The following TNFRSF8 variants were observed in gnomAD, a reference collection of about 807,000 sequenced individuals.
TNFRSF8 encodes the protein TNF receptor superfamily member 8.
Under a neutral mutation model 70.8 loss-of-function variants are expected in TNFRSF8, and 26 were observed. The ratio of observed to expected loss-of-function variants is 0.37; its 90% CI spans 0.27 to 0.51. The LOEUF (loss-of-function observed/expected upper bound fraction) is 0.51. TNFRSF8 is among the 20% of genes least tolerant of loss of function. The pLI is 0.94. For missense variants in TNFRSF8, 720 were observed against 807.9 expected (o/e 0.89, Z 1.32); for synonymous variants, 356 against 339.2 (o/e 1.05, Z -0.54).
intron 1 of TNFRSF8, among the ~76,000 whole-genome samples, chr1:12,065,145 C>T (rs1640716204): frequency 4.5e-5 from 6 of 133,792 alleles, no homozygotes; most frequent in Admixed American, 3.7e-4. Context: ...GTGCAATGCT[C>T]GATCTCGGCT....
chr1:12,107,385 ACT>A (rs1641543689), intron 4 of TNFRSF8, among the ~76,000 whole-genome samples: 1 of 150,060 alleles, frequency 6.7e-6, no homozygotes, highest in Non-Finnish European at 1.5e-5. Flanking sequence ...ACAGAGTTAG[ACT>A]CTGTTTCAAA....
chr1:12,070,276 A>T (rs981748053), intron 1 of TNFRSF8, among the ~76,000 whole-genome samples: 3 of 151,822 alleles, frequency 2.0e-5, no homozygotes, highest in African/African-American at 7.3e-5. Context: ...TTTGAGACGG[A>T]GTCTTGCTCT....
intron 12 of TNFRSF8, among the ~76,000 whole-genome samples, chr1:12,128,307 C>T (rs1222437272): frequency 6.6e-6 from 1 of 152,220 alleles, no homozygotes; most frequent in Non-Finnish European, 1.5e-5. Context: ...CCTTGGCCTC[C>T]CACATCCCAG....
rs550789975 is a variant in TNFRSF8, at chr1:12,141,496, A to G, written c.1544-791A>G. Among the ~76,000 whole-genome samples, 2 of 152,356 alleles carry G rather than the reference A, an allele frequency of 1.3e-5. No homozygotes were observed. Among genetic ancestry groups the G allele is most frequent in the South Asian group, 4.1e-4 (2 of 4,828 alleles). On this transcript the variant is annotated intron_variant, in intron 14 of 14. Coordinates refer to ENST00000263932, the MANE Select transcript of TNFRSF8 (RefSeq NM_001243.5). This position sits in a 1 kb window ranked among gnomAD's most constrained non-coding sequence, Gnocchi z 5.4. ...CCATGTGCTCACAGCACAGCCATGC[A>G]CGCTGCAGGCAGGAGACCGGCTGTG...
At chr1:12,101,448 G>A (rs1231807913) in intron 3 of TNFRSF8, among the ~76,000 whole-genome samples, 2 of 150,900 alleles carry the variant, frequency 1.3e-5, no homozygotes, top group African/African-American at 2.5e-5. Context: ...ATGATAAAAA[G>A]TATAGTACAG....
intron 1 of TNFRSF8, among the ~76,000 whole-genome samples, chr1:12,078,957 G>A (rs150730948): frequency 1.2e-3 from 184 of 152,344 alleles, no homozygotes; most frequent in Middle Eastern, 0.01. Flanking sequence ...CCAAGGTGGT[G>A]CCCCTGCTGC....
rs181273095 is a variant in TNFRSF8 at position 12,124,653 on chromosome 1, C to T, written c.1153+826C>T. ...CCTGGCCAACACGATGAAACCACAT[C>T]TCTACTAAAAATACAAAAATTAGCC... On this transcript the variant is annotated intron_variant, in intron 10 of 14. Coordinates refer to ENST00000263932, the MANE Select transcript of TNFRSF8 (RefSeq NM_001243.5). Among the ~76,000 whole-genome samples the T allele has an allele frequency of 4.0e-3, 610 of 152,194 alleles. 11 individuals are homozygous for T. The highest frequency in any genetic ancestry group is 0.013 in the African/African-American group (553 of 41,538).
rs1168385149 is a variant in TNFRSF8 at position 12,108,929 on chromosome 1, T to C, written c.422-637T>C. ...TGTGTTTTCTTCTCCACTCTGCTTC[T>C]GTCCAGCATTCTTCAGGACTCCTTG... On this transcript the variant is annotated intron_variant, in intron 4 of 14. Transcript: ENST00000263932. This position sits in a 1 kb window ranked among gnomAD's most constrained non-coding sequence, Gnocchi z 4.0. Among the ~76,000 whole-genome samples the C allele has an allele frequency of 2.6e-5, 4 of 152,240 alleles. No individual in the cohort carries two copies. Among genetic ancestry groups the C allele is most frequent in the African/African-American group, 7.2e-5 (3 of 41,478 alleles).
chr1:12,112,036 G>T lies in TNFRSF8; in HGVS notation c.793+22G>T. The T allele has an allele frequency of 6.3e-7, 1 of 1,585,610 alleles. No individual in the cohort carries two copies. Among genetic ancestry groups the T allele is most frequent in the Admixed American group, 1.7e-5 (1 of 58,940 alleles). On this transcript the variant is annotated intron_variant, in intron 7 of 14. Coordinates refer to ENST00000263932, the MANE Select transcript of TNFRSF8 (RefSeq NM_001243.5). This position sits in a 1 kb window ranked among gnomAD's most constrained non-coding sequence, Gnocchi z 5.3. ...CGAGGTAAGGGCCTCGTCCCTCCCC[G>T]GGCCTCAGTTTACCTCTCTGCATTT...
rs1642245347 is a variant in TNFRSF8 at position 12,141,084 on chromosome 1, G to A, written c.1544-1203G>A. Reference sequence around the variant, plus strand: ...CGTTTGGCGCACTTCTCTCTTTCCTGGGGGTGTTCAAAACCAGAATAGAAG... The same window carrying A: ...CGTTTGGCGCACTTCTCTCTTTCCTAGGGGTGTTCAAAACCAGAATAGAAG... On this transcript the variant is annotated intron_variant, in intron 14 of 14. Transcript: ENST00000263932. The surrounding 1 kb of genome is among the most constrained non-coding windows in gnomAD (Gnocchi z 5.4). 6.6e-6 allele frequency among the ~76,000 whole-genome samples: 1 copy of A among 152,190 alleles called. No homozygotes were observed. The highest frequency in any genetic ancestry group is 6.5e-5 in the Admixed American group (1 of 15,280).
At chr1:12,085,206 G>C (rs562665486) in intron 2 of TNFRSF8, among the ~76,000 whole-genome samples, 1 of 152,142 alleles carries the variant, frequency 6.6e-6, no homozygotes, top group South Asian at 2.1e-4. Flanking sequence ...CACCTCCCGG[G>C]TTCAAGCGAT....
rs771896936 is a variant in TNFRSF8 at position 12,109,564 on chromosome 1, A to G, written c.422-2A>G. 1 of 1,613,192 alleles carries G rather than the reference A, an allele frequency of 6.2e-7. No homozygotes were observed. The highest frequency in any genetic ancestry group is 1.1e-5 in the South Asian group (1 of 91,020). The stretch of plus-strand genomic sequence containing the variant: ...CTGAAGGCACTGCTGTCCCCCCTGC[A>G]GGCACGGCGCAGAAGAACACGGTCT... On this transcript the variant is annotated splice_acceptor_variant, in intron 4 of 14. Transcript: ENST00000263932. LOFTEE classifies it high-confidence loss of function. The surrounding 1 kb of genome is among the most constrained non-coding windows in gnomAD (Gnocchi z 4.4).
intron 4 of TNFRSF8, among the ~76,000 whole-genome samples, chr1:12,104,824 A>C (rs1641491760): frequency 6.6e-6 from 1 of 152,126 alleles, no homozygotes; most frequent in Non-Finnish European, 1.5e-5. Flanking sequence ...GATGCCCCAT[A>C]AACAAGAAGG....
chr1:12,133,924 A>G (rs1217883630), intron 12 of TNFRSF8, among the ~76,000 whole-genome samples: 23 of 151,906 alleles, frequency 1.5e-4, no homozygotes, highest in Admixed American at 1.5e-3. Context: ...GTGGTGGCAC[A>G]TGTCGGTAAT....
chr1:12,077,634 A>G (rs951381407), intron 1 of TNFRSF8, among the ~76,000 whole-genome samples: 4 of 152,184 alleles, frequency 2.6e-5, no homozygotes, highest in African/African-American at 4.8e-5. Context: ...GATGGGGGTG[A>G]TCAGAGAGGG....
chr1:12,139,670 T>A (rs1409423336), intron 14 of TNFRSF8, among the ~76,000 whole-genome samples: 1 of 152,254 alleles, frequency 6.6e-6, no homozygotes, highest in Admixed American at 6.5e-5. Flanking sequence ...GAAGAGTCAT[T>A]TGTAATTGTC....
chr1:12,090,461 C>T (rs1223115910), intron 2 of TNFRSF8, among the ~76,000 whole-genome samples: 2 of 151,488 alleles, frequency 1.3e-5, no homozygotes, highest in Non-Finnish European at 2.9e-5. Flanking sequence ...TCCATCCACC[C>T]ACCCACTCAT....
chr1:12,102,814 C>T (rs1641447992), intron 3 of TNFRSF8, among the ~76,000 whole-genome samples: 1 of 152,150 alleles, frequency 6.6e-6, no homozygotes, highest in Non-Finnish European at 1.5e-5. Flanking sequence ...GTGTGAACCA[C>T]CACTCCCCGC....
intron 13 of TNFRSF8, among the ~76,000 whole-genome samples, chr1:12,136,649 GAA>G (rs55656730): frequency 0.55 from 66,980 of 121,610 alleles, 17,443 homozygotes; most frequent in Admixed American, 0.65. Flanking sequence ...GACTCCATCT[GAA>G]AAAAAAAAAA....
Sources: allele counts gnomAD v4.1 joint callset (sites outside exome capture counted in the v4.1 genomes callset), GRCh38; gene constraint gnomAD v4.1.1; non-coding constraint Gnocchi (gnomAD v3.1); transcripts MANE v1.5; gene names NCBI Gene and HGNC (gene_info 2026-07-23, HGNC 2026-07-21).